Variants in ST3GAL3 observed in about 807,000 individuals in gnomAD.
The protein encoded by ST3GAL3 is CMP-N-acetylneuraminate-beta-1,4-galactoside alpha-2,3-sialyltransferase.
ST3GAL3 carries 21 observed loss-of-function variants against 50.1 expected under a neutral mutation model. That is an observed-to-expected ratio of 0.42 (90% CI 0.30 to 0.60). The LOEUF (loss-of-function observed/expected upper bound fraction) is 0.60. Among genes scored for constraint, ST3GAL3 ranks in the 20% least tolerant of loss-of-function variants. The pLI is 0.19. For missense variants in ST3GAL3, 353 were observed against 489.4 expected, an observed-to-expected ratio of 0.72 and a Z score of 2.63; for synonymous variants, 183 against 190.0, an observed-to-expected ratio of 0.96 and a Z score of 0.30.
intron 9 of ST3GAL3, among the ~76,000 whole-genome samples, chr1:43,901,139 G>A (rs1161635489): frequency 6.6e-6 from 1 of 152,226 alleles, no homozygotes; most frequent in Admixed American, 6.5e-5. Context: ...CACTTTTAAG[G>A]GAGAATGGTA....
At chr1:43,864,502 C>T (rs1050163037) in intron 5 of ST3GAL3, among the ~76,000 whole-genome samples, 5 of 152,174 alleles carry the variant, frequency 3.3e-5, no homozygotes, top group Admixed American at 6.5e-5. Context: ...GGGAAGGAGA[C>T]ACACTTGGAA....
At chr1:43,889,850 A>T (rs1237940975) in intron 5 of ST3GAL3, among the ~76,000 whole-genome samples, 1 of 152,248 alleles carries the variant, frequency 6.6e-6, no homozygotes, top group Non-Finnish European at 1.5e-5. Flanking sequence ...TACAAATCTT[A>T]TAATCCTAAT....
chr1:43,776,241 A>T (rs1697195517), intron 2 of ST3GAL3, among the ~76,000 whole-genome samples: 1 of 152,202 alleles, frequency 6.6e-6, no homozygotes, highest in Non-Finnish European at 1.5e-5. Context: ...TCCCTAGGGC[A>T]ACCACTGATC....
intron 2 of ST3GAL3, among the ~76,000 whole-genome samples, chr1:43,778,648 T>TC (rs1397959068): frequency 2.4e-4 from 34 of 141,200 alleles, no homozygotes; most frequent in Non-Finnish European, 4.8e-4. Context: ...TTTTTTCTTT[T>TC]TTTTTTTTTT....
chr1:43,726,593 C>A (rs1673018767), intron 1 of ST3GAL3, among the ~76,000 whole-genome samples: 1 of 151,304 alleles, frequency 6.6e-6, no homozygotes, highest in African/African-American at 2.4e-5. Flanking sequence ...GGCCTATATC[C>A]CATTTCTTTT....
chr1:43,897,200 ACG>A (rs2077516026), intron 6 of ST3GAL3, among the ~76,000 whole-genome samples: 1 of 151,702 alleles, frequency 6.6e-6, no homozygotes, highest in Non-Finnish European at 1.5e-5. Flanking sequence ...GACTTTTTCA[ACG>A]CTCCACGCCT....
intron 1 of ST3GAL3, among the ~76,000 whole-genome samples, chr1:43,728,032 C>A (rs1673806385): frequency 1.3e-5 from 2 of 152,032 alleles, no homozygotes; most frequent in South Asian, 4.1e-4. Context: ...CCCCTCATCC[C>A]CATCTAGTAG....
At chr1:43,745,230 A>G (rs1683106318) in intron 2 of ST3GAL3, among the ~76,000 whole-genome samples, 1 of 152,382 alleles carries the variant, frequency 6.6e-6, no homozygotes, top group East Asian at 1.9e-4. Flanking sequence ...ATAACCCAGT[A>G]AAGTGAGATT....
At chr1:43,917,769 G>A (rs2082321401) in intron 9 of ST3GAL3, among the ~76,000 whole-genome samples, 1 of 143,246 alleles carries the variant, frequency 7.0e-6, no homozygotes, top group Non-Finnish European at 1.5e-5. Flanking sequence ...CCAGGTTCAA[G>A]CGATCCTCCC....
intron 2 of ST3GAL3, among the ~76,000 whole-genome samples, chr1:43,774,862 T>A (rs11210918): frequency 0.4 from 60,728 of 152,040 alleles, 12,330 homozygotes; most frequent in East Asian, 0.53. Context: ...ACATTATGTG[T>A]CACCTCAAGT....
chr1:43,850,821 G>T, intron 5 of ST3GAL3: 1 of 1,063,236 alleles, frequency 9.4e-7, no homozygotes, highest in Non-Finnish European at 1.5e-6. Flanking sequence ...AGCAACCCCA[G>T]CAATGGTGTG....
At position 43,894,425 on chromosome 1, in the gene ST3GAL3, C is replaced by T; in HGVS notation, c.345C>T (p.Arg115=). ...CCATGTTCCTGGATGACTCCTTTCG[C>T]AAGTGGGCTAGAATCCGGGAGTTCG... The part of the protein sequence containing the change: ...PAPMFLDDSF[R]KWARIREFVP... The change falls in exon 6 of 12, where the codon CGC becomes CGT. Residue 115 remains arginine, a synonymous_variant. Coordinates refer to ENST00000347631, the MANE Select transcript of ST3GAL3 (RefSeq NM_006279.5). 1 of 1,614,186 alleles carries T rather than the reference C, an allele frequency of 6.2e-7. No individual in the cohort carries two copies. The highest frequency in any genetic ancestry group is 8.5e-7 in the Non-Finnish European group (1 of 1,180,026).
At chr1:43,839,861 GAA>G (rs764687197) in intron 5 of ST3GAL3, 5 of 152,130 alleles carry the variant, frequency 3.3e-5, no homozygotes, top group Non-Finnish European at 7.3e-5. Flanking sequence ...GAAGGAGAGA[GAA>G]AGAGAGGAAG....
intron 5 of ST3GAL3, among the ~76,000 whole-genome samples, chr1:43,869,069 G>T (rs1344101974): frequency 6.6e-6 from 1 of 152,126 alleles, no homozygotes. Context: ...GGAGAAGATG[G>T]TTCTTGCCAC....
At chr1:43,761,891 C>T (rs949434805) in intron 2 of ST3GAL3, among the ~76,000 whole-genome samples, 11 of 138,558 alleles carry the variant, frequency 7.9e-5, no homozygotes, top group African/African-American at 1.4e-4. Context: ...GCGGAGCTTG[C>T]AGTGAGCCAA....
chr1:43,865,298 G>A lies in ST3GAL3; in HGVS notation c.302+26987G>A, dbSNP rs573979802. 7.9e-5 allele frequency among the ~76,000 whole-genome samples: 12 copies of A among 152,192 alleles called. 1 individual carries two copies. The highest frequency in any genetic ancestry group is 3.3e-4 in the Admixed American group (5 of 15,290). ...CTCCCAAAGTGCTGGGATTACAGGC[G>A]TGAGCCACCATGCCCGGTCATAACA... On this transcript the variant is annotated intron_variant, in intron 5 of 11. Transcript: ENST00000347631.
chr1:43,899,433 A>G lies in ST3GAL3; in HGVS notation c.558-108A>G. ...CAACTAGCGGGGGCACCTGGGGAGA[A>G]TAGGTCCAGGTGACCTGGACTCCCT... On this transcript the variant is annotated intron_variant, in intron 8 of 11. Coordinates refer to ENST00000347631, the MANE Select transcript of ST3GAL3 (RefSeq NM_006279.5). This position sits in a 1 kb window ranked among gnomAD's most constrained non-coding sequence, Gnocchi z 5.4. 1.3e-6 allele frequency: 2 copies of G among 1,572,886 alleles called. No individual in the cohort carries two copies. The highest frequency in any genetic ancestry group is 1.3e-5 in the African/African-American group (1 of 74,244).
chr1:43,776,251 C>T (rs1697204370), intron 2 of ST3GAL3, among the ~76,000 whole-genome samples: 1 of 152,170 alleles, frequency 6.6e-6, no homozygotes, highest in African/African-American at 2.4e-5. Flanking sequence ...AACCACTGAT[C>T]TGCTTTCTGT....
At chr1:43,771,364 G>GTTTTTT (rs397943226) in intron 2 of ST3GAL3, among the ~76,000 whole-genome samples, 1 of 143,074 alleles carries the variant, frequency 7.0e-6, no homozygotes, top group Non-Finnish European at 1.5e-5. Context: ...GCGACTTTTT[G>GTTTTTT]TTTTTTTTTT....
Sources: gnomAD v4.1 joint callset for allele counts (sites outside exome capture counted in the v4.1 genomes callset) on GRCh38, gnomAD v4.1.1 for gene constraint, Gnocchi (gnomAD v3.1) non-coding constraint, MANE v1.5 for transcripts, NCBI Gene and HGNC (gene_info 2026-07-23, HGNC 2026-07-21) for gene names.